The following FANCE variants were observed in gnomAD, a reference collection of about 807,000 sequenced individuals.
The protein encoded by FANCE is FA complementation group E.
A neutral mutation model predicts 57.8 loss-of-function variants in FANCE; 42 were observed. That is an observed-to-expected ratio of 0.73 (90% confidence interval 0.57 to 0.94). The LOEUF (loss-of-function observed/expected upper bound fraction) is 0.94. Among genes scored for constraint, FANCE ranks in the 40% least tolerant of loss-of-function variants. The probability of loss-of-function intolerance (pLI) is 0.00; values close to 1 mark genes in which losing one functional copy is unlikely to be tolerated. For synonymous variants in FANCE, 251 were observed against 286.4 expected, an observed-to-expected ratio of 0.88 and a Z score of 1.25; for missense variants, 608 against 661.8, an observed-to-expected ratio of 0.92 and a Z score of 0.89.
Position 35,466,568 on chromosome 6 carries a change from A to T in FANCE, c.*223A>T, listed in dbSNP as rs887986354. 3.7e-6 allele frequency: 2 copies of T among 545,338 alleles called. No individual in the cohort carries two copies. The highest frequency in any genetic ancestry group is 6.2e-5 in the Admixed American group (2 of 32,094). The allele number at this position is 545,338 out of a possible 1,614,324, so 33.8% of individuals were successfully genotyped here. On this transcript the variant is annotated 3_prime_UTR_variant, in exon 10 of 10. Transcript: ENST00000229769. ...GGAGCTCAGCTATATTTTCTTTTTC[A>T]TTTCTTTTGTTTTTGAGAGAAGGTA...
At chr6:35,459,577 G>C (rs1330959127) in intron 6 of FANCE, 105 bp from the exon 7 acceptor site, 1 of 1,575,386 alleles carries the variant, frequency 6.3e-7, no homozygotes, top group African/African-American at 1.4e-5. Flanking sequence ...CTGCTTCCCT[G>C]ACAATGCCCC....
In FANCE at chr6:35,466,595, T is replaced by C. The variant is rs1483269252; in HGVS notation, c.*250T>C. ...TTCTTTTGTTTTTGAGAGAAGGTAT[T>C]GCTCTGTCATCCAGGCTGGAGTGCA... On this transcript the variant is annotated 3_prime_UTR_variant, in exon 10 of 10. Coordinates refer to ENST00000229769, the MANE Select transcript of FANCE (RefSeq NM_021922.3). 2.0e-6 allele frequency: 1 copy of C among 494,810 alleles called. No individual in the cohort carries two copies. The highest frequency in any genetic ancestry group is 3.7e-6 in the Non-Finnish European group (1 of 270,078). The allele number at this position is 494,810 out of a possible 1,614,324, so 30.7% of individuals were successfully genotyped here.
At chr6:35,457,891 C>A (rs2150893866) in intron 3 of FANCE, 25 bp from the exon 4 acceptor site, 1 of 1,607,452 alleles carries the variant, frequency 6.2e-7, no homozygotes, top group Non-Finnish European at 8.5e-7. Context: ...CTCTGCCAGC[C>A]CTAACATGAG....
chr6:35,458,639 CTTT>C (rs1323274711), intron 5 of FANCE, among the ~76,000 whole-genome samples, 199 bp downstream of exon 5: 1 of 142,178 alleles, frequency 7.0e-6, no homozygotes. Flanking sequence ...TGGCATCTAA[CTTT>C]TTTTTTTTTT....
rs1464572094 is a variant in FANCE at position 35,456,624 on chromosome 6, C to A, written c.855+271C>A. Among the ~76,000 whole-genome samples, 4 of 152,132 alleles carry A rather than the reference C, an allele frequency of 2.6e-5. No homozygotes were observed. The highest frequency in any genetic ancestry group is 5.9e-5 in the Non-Finnish European group (4 of 68,032). On this transcript the variant is annotated intron_variant, in intron 2 of 9. Coordinates refer to ENST00000229769, the MANE Select transcript of FANCE (RefSeq NM_021922.3). The surrounding 1 kb of genome is among the most constrained non-coding windows in gnomAD (Gnocchi z 4.3). Reference sequence around the variant, plus strand: ...CTGCCTCCCGGGTTCAAGCGATTCTCCTGCCTCAGCTTCCTGAGTAGCTGG... The same window carrying A: ...CTGCCTCCCGGGTTCAAGCGATTCTACTGCCTCAGCTTCCTGAGTAGCTGG...
intron 8 of FANCE, among the ~76,000 whole-genome samples, chr6:35,461,690 C>T (rs989280387): frequency 2.0e-5 from 3 of 151,008 alleles, no homozygotes; most frequent in African/African-American, 4.9e-5. Flanking sequence ...CTCTGTTGCC[C>T]AGGCTGGAGT....
intron 9 of FANCE, 120 bp downstream of exon 9, chr6:35,463,034 C>T: frequency 7.2e-7 from 1 of 1,397,198 alleles, no homozygotes; most frequent in South Asian, 1.2e-5. Flanking sequence ...GGCACGGTGG[C>T]TCACGCCTGT....
In FANCE at chr6:35,456,958, G is replaced by A. The variant is rs1234954302; in HGVS notation, c.856-598G>A. On this transcript the variant is annotated intron_variant, in intron 2 of 9. Transcript: ENST00000229769. The surrounding 1 kb of genome is among the most constrained non-coding windows in gnomAD (Gnocchi z 4.3). ...CTGCTACCCCGTCATATGTGGGTGGGAAGAATCATGACAGCATCCAGTCTG... is the reference window on the plus strand; with the variant it reads ...CTGCTACCCCGTCATATGTGGGTGGAAAGAATCATGACAGCATCCAGTCTG... 6.6e-6 allele frequency among the ~76,000 whole-genome samples: 1 copy of A among 152,190 alleles called. No individual in the cohort carries two copies. Among genetic ancestry groups the A allele is most frequent in the Non-Finnish European group, 1.5e-5 (1 of 68,026 alleles).
intron 1 of FANCE, among the ~76,000 whole-genome samples, chr6:35,455,420 G>T (rs1259642067): frequency 1.3e-5 from 2 of 151,990 alleles, no homozygotes; most frequent in African/African-American, 2.4e-5. Context: ...CGATTCTCCT[G>T]CCTCAGCCTC....
chr6:35,456,142 G>T lies in FANCE; in HGVS notation c.644G>T (p.Arg215Met). The T allele has an allele frequency of 1.2e-6, 2 of 1,614,090 alleles. No homozygotes were observed. Among genetic ancestry groups the T allele is most frequent in the Non-Finnish European group, 1.7e-6 (2 of 1,179,988 alleles). Reference protein sequence around the residue: ...EEEAASPEGKRVPKRLRCWEE... With the variant: ...EEEAASPEGKMVPKRLRCWEE... ...GAGGCTGCCAGTCCTGAGGGGAAGAGGGTCCCCAAAAGATTACGGTGTTGG... is the reference window on the plus strand; with the variant it reads ...GAGGCTGCCAGTCCTGAGGGGAAGATGGTCCCCAAAAGATTACGGTGTTGG... Residue 215 changes from arginine to methionine, a missense_variant, in exon 2 of 10, where the codon AGG (arginine) becomes ATG (methionine). Physicochemically the swap from Arg to Met is moderately conservative, Grantham distance 91 (BLOSUM62 -1). Coordinates refer to ENST00000229769, the MANE Select transcript of FANCE (RefSeq NM_021922.3). The surrounding 1 kb of genome is among the most constrained non-coding windows in gnomAD (Gnocchi z 4.3).
At position 35,456,020 on chromosome 6, in the gene FANCE, G is replaced by C; in HGVS notation, c.522G>C (p.Gly174=). The C allele has an allele frequency of 1.2e-6, 2 of 1,612,950 alleles. No individual in the cohort carries two copies. The highest frequency in any genetic ancestry group is 1.7e-6 in the Non-Finnish European group (2 of 1,179,640). The change falls in exon 2 of 10, where the codon GGG becomes GGC. Residue 174 remains glycine (G), a synonymous_variant. Coordinates refer to ENST00000229769, the MANE Select transcript of FANCE (RefSeq NM_021922.3). The surrounding 1 kb of genome is among the most constrained non-coding windows in gnomAD (Gnocchi z 4.3). ...LQSLCRGLGL[G]GRRLKSPQAP... ...GTCTATGTAGGGGGCTGGGCCTGGG[G>C]GGCAGGAGGTTGAAATCCCCCCAGG...
At position 35,452,353 on chromosome 6, in the gene FANCE, A is replaced by C. The variant is rs1767134619; in HGVS notation, c.-193A>C. The C allele has an allele frequency of 2.0e-6, 1 of 509,708 alleles. No individual in the cohort carries two copies. The highest frequency in any genetic ancestry group is 1.0e-4 in the South Asian group (1 of 9,936). 31.6% of individuals were successfully genotyped at this position (509,708 alleles called of 1,614,324 possible). ...GCGCCTCCCTCCTTCCCTTTCCGAC[A>C]GCGCGGGAACGGCTGCGGCTTCGGG... On this transcript the variant is annotated 5_prime_UTR_variant, in exon 1 of 10. Coordinates refer to ENST00000229769, the MANE Select transcript of FANCE (RefSeq NM_021922.3).
chr6:35,455,264 A>G lies in FANCE; in HGVS notation c.249-483A>G, dbSNP rs976772326. On this transcript the variant is annotated intron_variant, in intron 1 of 9. Coordinates refer to ENST00000229769, the MANE Select transcript of FANCE (RefSeq NM_021922.3). ...ATAGATATTCAATGAACACTTGAAC[A>G]GTTCTCATCTTTCATGTTGTCCCTG... Among the ~76,000 whole-genome samples, 7 of 152,192 alleles carry G rather than the reference A, an allele frequency of 4.6e-5. No individual in the cohort carries two copies. In the Middle Eastern group the frequency reaches 0.024, roughly 518 times the overall value.
At chr6:35,454,202 C>T (rs1467986000) in intron 1 of FANCE, among the ~76,000 whole-genome samples, 3 of 152,088 alleles carry the variant, frequency 2.0e-5, no homozygotes, top group Non-Finnish European at 2.9e-5. Flanking sequence ...GCTGGGACTA[C>T]AGGCGCGTGC....
At position 35,452,341 on chromosome 6, in the gene FANCE, TC is replaced by T. The variant is rs1017036160; in HGVS notation, c.-202del. The stretch of plus-strand genomic sequence containing the variant: ...CCGCCCCCGGCCGCGCCTCCCTCCT[TC>T]CCTTTCCGACAGCGCGGGAACGGCT... On this transcript the variant is annotated 5_prime_UTR_variant, in exon 1 of 10. Transcript: ENST00000229769. 16 of 455,554 alleles carry T rather than the reference TC, an allele frequency of 3.5e-5. No individual in the cohort carries two copies. Among genetic ancestry groups the T allele is most frequent in the African/African-American group, 2.9e-4 (14 of 48,652 alleles). 28.2% of individuals were successfully genotyped at this position (455,554 alleles called of 1,614,324 possible).
chr6:35,460,996 G>A (rs2150898997), intron 8 of FANCE, among the ~76,000 whole-genome samples: 1 of 152,022 alleles, frequency 6.6e-6, no homozygotes, highest in East Asian at 1.9e-4. Flanking sequence ...TTGGCTCACT[G>A]CAACCTCTGC....
Position 35,458,371 on chromosome 6 carries a change from G to A in FANCE, c.1044G>A (p.Leu348=), listed in dbSNP as rs751388323. Residue 348 remains leucine (L), a synonymous_variant, in exon 5 of 10, where the codon CTG becomes CTA. Coordinates refer to ENST00000229769, the MANE Select transcript of FANCE (RefSeq NM_021922.3). The part of the protein sequence containing the change: ...DLGLLRLCTW[L]LALSPDLSLS... ...GTCTCCTGCGGCTCTGCACCTGGCT[G>A]CTGGCCCTTTCACCTGATCTCAGCC... The A allele has an allele frequency of 6.2e-7, 1 of 1,614,180 alleles. No individual in the cohort carries two copies. The highest frequency in any genetic ancestry group is 8.5e-7 in the Non-Finnish European group (1 of 1,180,038).
intron 9 of FANCE, among the ~76,000 whole-genome samples, 178 bp from the exon 10 acceptor site, chr6:35,466,066 T>A (rs914384477): frequency 3.9e-5 from 6 of 152,188 alleles, no homozygotes; most frequent in Admixed American, 1.3e-4. Flanking sequence ...GTGCAGCTAG[T>A]ATTTGGCTCC....
rs781661435 is a variant in FANCE at position 35,458,455 on chromosome 6, A to T, written c.1113+15A>T. ...TTCTTGGACGGGTAGGTGTATTGGG[A>T]GGTACTCAGAGTGCCAAGGACAATG... On this transcript the variant is annotated intron_variant, in intron 5 of 9. Transcript: ENST00000229769. 6.2e-7 allele frequency: 1 copy of T among 1,613,720 alleles called. No homozygotes were observed. Among genetic ancestry groups the T allele is most frequent in the Non-Finnish European group, 8.5e-7 (1 of 1,179,878 alleles).
Sources: gnomAD v4.1 joint callset for allele counts (sites outside exome capture counted in the v4.1 genomes callset) on GRCh38, gnomAD v4.1.1 for gene constraint, Gnocchi (gnomAD v3.1) non-coding constraint, MANE v1.5 for transcripts, NCBI Gene and HGNC (gene_info 2026-07-23, HGNC 2026-07-21) for gene names.